The following FOXO1 variants were observed in gnomAD, a reference collection of about 807,000 sequenced individuals.
The protein encoded by FOXO1 is forkhead box protein O1.
FOXO1 carries 6 observed loss-of-function variants against 44.1 expected under a neutral mutation model. That is an observed-to-expected ratio of 0.14 (90% CI 0.07 to 0.27). The LOEUF is 0.27. FOXO1 is among the 10% of genes least tolerant of loss of function. The probability of loss-of-function intolerance (pLI) is 1.00; values close to 1 mark genes in which losing one functional copy is unlikely to be tolerated. For missense variants in FOXO1, 737 were observed against 888.8 expected (o/e 0.83, Z 2.17); for synonymous variants, 380 against 362.7 (o/e 1.05, Z -0.54).
chr13:40,657,481 T>G (rs1198500752), intron 1 of FOXO1, among the ~76,000 whole-genome samples: 1 of 152,104 alleles, frequency 6.6e-6, no homozygotes, highest in Non-Finnish European at 1.5e-5. Context: ...TACAGATGCA[T>G]GCCACCACAC....
chr13:40,651,057 G>A (rs1225062456), intron 1 of FOXO1, among the ~76,000 whole-genome samples: 1 of 151,872 alleles, frequency 6.6e-6, no homozygotes, highest in Admixed American at 6.5e-5. Context: ...ACAGGTGTGA[G>A]CCACCACGCA....
At chr13:40,588,461 A>G (rs1397632667) in intron 1 of FOXO1, among the ~76,000 whole-genome samples, 1 of 152,226 alleles carries the variant, frequency 6.6e-6, no homozygotes, top group African/African-American at 2.4e-5. Context: ...ACCATCACTA[A>G]CAGAAGCAAA....
chr13:40,595,653 A>G (rs1046650960), intron 1 of FOXO1, among the ~76,000 whole-genome samples: 4 of 152,224 alleles, frequency 2.6e-5, no homozygotes, highest in Non-Finnish European at 4.4e-5. Flanking sequence ...TCAAGTGAAC[A>G]GTAACAGAAA....
Position 40,665,635 on chromosome 13 carries a change from C to T in FOXO1, c.578G>A (p.Ser193Asn). 1 of 1,512,074 alleles carries T rather than the reference C, an allele frequency of 6.6e-7. No individual in the cohort carries two copies. Among genetic ancestry groups the T allele is most frequent in the Non-Finnish European group, 8.9e-7 (1 of 1,121,280 alleles). 93.7% of individuals were successfully genotyped at this position (1,512,074 alleles called of 1,614,324 possible). A position where few individuals can be genotyped will look rare whatever the true frequency, so the allele number is the denominator to read the frequency against. ...LSQIYEWMVK[S>N]VPYFKDKGDS... ...ACCCTTATCCTTGAAGTAGGGCACG[C>T]TCTTGACCATCCACTCGTAGATCTG... is the stretch of plus-strand genomic sequence containing the variant. Residue 193 changes from serine (S) to asparagine (N), a missense_variant, in exon 1 of 3, where the codon AGC becomes AAC. Ser to Asn is a conservative substitution (Grantham distance 46, BLOSUM62 1). This residue lies in a region of FOXO1 where 49 missense variants were observed against 50.2 expected (regional missense o/e 0.98). Transcript: ENST00000379561.
chr13:40,566,081 T>C (rs1472994802), intron 1 of FOXO1, among the ~76,000 whole-genome samples: 3 of 152,206 alleles, frequency 2.0e-5, no homozygotes, highest in Admixed American at 6.5e-5. Flanking sequence ...CCAAGCCACA[T>C]GTGCAGGCAT....
chr13:40,578,801 A>G (rs1242597231), intron 1 of FOXO1, among the ~76,000 whole-genome samples: 4 of 152,222 alleles, frequency 2.6e-5, no homozygotes, highest in African/African-American at 9.6e-5. Flanking sequence ...CACAAAACAA[A>G]CAAGAGCAAA....
intron 1 of FOXO1, among the ~76,000 whole-genome samples, chr13:40,587,166 A>C (rs969435763): frequency 1.3e-5 from 2 of 151,966 alleles, no homozygotes; most frequent in Non-Finnish European, 2.9e-5. Flanking sequence ...CTGAATCCAA[A>C]GTCAGAAGGG....
intron 1 of FOXO1, among the ~76,000 whole-genome samples, chr13:40,606,428 G>A (rs1876002406): frequency 6.6e-6 from 1 of 152,116 alleles, no homozygotes; most frequent in Admixed American, 6.5e-5. Context: ...TCCTGTCTCA[G>A]CCTCCTGAGT....
intron 1 of FOXO1, among the ~76,000 whole-genome samples, chr13:40,661,379 G>A (rs762001123): frequency 5.5e-4 from 84 of 151,962 alleles, no homozygotes; most frequent in Non-Finnish European, 7.8e-4. Flanking sequence ...AGGTTCAAGC[G>A]ATTCTCCTGC....
At chr13:40,589,599 A>T (rs985625670) in intron 1 of FOXO1, among the ~76,000 whole-genome samples, 4 of 152,254 alleles carry the variant, frequency 2.6e-5, no homozygotes, top group Non-Finnish European at 5.9e-5. Flanking sequence ...ACTTTGGTTA[A>T]TTAACCACTA....
intron 1 of FOXO1, among the ~76,000 whole-genome samples, chr13:40,647,353 T>C (rs1042124631): frequency 6.6e-6 from 1 of 152,198 alleles, no homozygotes; most frequent in African/African-American, 2.4e-5. Context: ...TAAGTATAAA[T>C]AAAATGACAT....
intron 1 of FOXO1, among the ~76,000 whole-genome samples, chr13:40,599,831 G>C (rs757351594): frequency 3.9e-5 from 6 of 152,168 alleles, no homozygotes; most frequent in Non-Finnish European, 5.9e-5. Context: ...CCTCAAAGTA[G>C]CAGAGTGTCT....
chr13:40,636,517 C>CTTTTT (rs376651061), intron 1 of FOXO1, among the ~76,000 whole-genome samples: 9 of 121,936 alleles, frequency 7.4e-5, no homozygotes, highest in East Asian at 2.5e-4. Flanking sequence ...TTTTCAAAAA[C>CTTTTT]TTTTTTTTTT....
At chr13:40,597,263 T>C (rs912732862) in intron 1 of FOXO1, among the ~76,000 whole-genome samples, 1 of 152,226 alleles carries the variant, frequency 6.6e-6, no homozygotes, top group Non-Finnish European at 1.5e-5. Flanking sequence ...TAATTATTAT[T>C]ACCACAGATA....
intron 1 of FOXO1, among the ~76,000 whole-genome samples, chr13:40,584,510 C>G: frequency 7.8e-6 from 1 of 128,910 alleles, no homozygotes; most frequent in African/African-American, 2.9e-5. Flanking sequence ...AAGCCAGATG[C>G]AGTGGCACGT....
chr13:40,558,694 C>T lies in FOXO1; in HGVS notation c.*355G>A. 2.5e-6 allele frequency: 1 copy of T among 397,458 alleles called. No individual in the cohort carries two copies. Among genetic ancestry groups the T allele is most frequent in the Non-Finnish European group, 4.4e-6 (1 of 225,530 alleles). The allele number at this position is 397,458 out of a possible 1,614,324, so 24.6% of individuals were successfully genotyped here. ...GAAAAACCAAAAACACACACAAATA[C>T]AATCTGTATCTACTGCTTATATACA... On this transcript the variant is annotated 3_prime_UTR_variant, in exon 3 of 3. Transcript: ENST00000379561.
intron 1 of FOXO1, chr13:40,619,973 G>C (rs1410668914): frequency 2.9e-6 from 2 of 689,118 alleles, no homozygotes; most frequent in Non-Finnish European, 5.3e-6. Context: ...AGCCGAAGCT[G>C]TTCACCAATT....
At chr13:40,638,553 T>C (rs2137920239) in intron 1 of FOXO1, among the ~76,000 whole-genome samples, 1 of 152,036 alleles carries the variant, frequency 6.6e-6, no homozygotes, top group South Asian at 2.1e-4. Context: ...AGAGACTAAC[T>C]CACAAAAAGT....
chr13:40,583,875 T>C (rs951612197), intron 1 of FOXO1, among the ~76,000 whole-genome samples: 3 of 152,260 alleles, frequency 2.0e-5, no homozygotes, highest in Admixed American at 2.0e-4. Context: ...CTGACTGGCA[T>C]AAGAGGCCTA....
Sources: allele counts gnomAD v4.1 joint callset (sites outside exome capture counted in the v4.1 genomes callset), GRCh38; gene constraint gnomAD v4.1.1; regional missense constraint gnomAD v4.1.1; transcripts MANE v1.5; gene names NCBI Gene and HGNC (gene_info 2026-07-23, HGNC 2026-07-21).